CMTM8: variants seen among roughly 807,000 people sequenced by gnomAD.
The protein encoded by CMTM8 is CKLF like MARVEL transmembrane domain containing 8, also known as CKLF-like MARVEL transmembrane domain-containing protein 8.
Under a neutral mutation model 18.6 loss-of-function variants are expected in CMTM8, and 12 were observed. That is an observed-to-expected ratio of 0.65 (90% confidence interval 0.41 to 1.05). The LOEUF is 1.05. Ranked by LOEUF, CMTM8 falls within the 50% of genes least tolerant of loss-of-function variation. The pLI is 0.00. For synonymous variants in CMTM8, 87 were observed against 90.6 expected (o/e 0.96, Z 0.23); for missense variants, 217 against 227.2 (o/e 0.95, Z 0.29).
chr3:32,309,187 TG>T (rs1370905322), intron 1 of CMTM8, among the ~76,000 whole-genome samples: 8 of 151,720 alleles, frequency 5.3e-5, no homozygotes, highest in African/African-American at 1.9e-4. Context: ...TGGAGGGTGG[TG>T]GGGCAGAGCA....
intron 1 of CMTM8, among the ~76,000 whole-genome samples, chr3:32,333,379 C>T (rs1696318823): frequency 6.6e-6 from 1 of 152,198 alleles, no homozygotes; most frequent in South Asian, 2.1e-4. Context: ...TGTGGACCAA[C>T]AGCACGGGCA....
chr3:32,341,320 T>C (rs1229145207), intron 1 of CMTM8, among the ~76,000 whole-genome samples: 1 of 152,180 alleles, frequency 6.6e-6, no homozygotes, highest in Non-Finnish European at 1.5e-5. Flanking sequence ...GCTGGTGGCA[T>C]TCCAGGTAAT....
chr3:32,267,796 C>T (rs1702370849), intron 1 of CMTM8, among the ~76,000 whole-genome samples: 1 of 152,190 alleles, frequency 6.6e-6, no homozygotes, highest in South Asian at 2.1e-4. Context: ...AGGATATGAA[C>T]AGACACTTCT....
chr3:32,299,925 G>A (rs983179705), intron 1 of CMTM8, among the ~76,000 whole-genome samples: 3 of 152,164 alleles, frequency 2.0e-5, no homozygotes, highest in African/African-American at 7.2e-5. Context: ...AAGCAGCCAC[G>A]GGTAATACAT....
At chr3:32,309,082 G>A (rs558011569) in intron 1 of CMTM8, among the ~76,000 whole-genome samples, 1 of 152,268 alleles carries the variant, frequency 6.6e-6, no homozygotes, top group African/African-American at 2.4e-5. Context: ...GTCCTGGGGA[G>A]TGCTGAGTCT....
At chr3:32,340,930 T>C (rs1345779740) in intron 1 of CMTM8, among the ~76,000 whole-genome samples, 1 of 152,222 alleles carries the variant, frequency 6.6e-6, no homozygotes, top group Non-Finnish European at 1.5e-5. Flanking sequence ...CATAGCCTAT[T>C]TACTGACTCA....
chr3:32,357,333 A>G (rs534599652), intron 1 of CMTM8, 40 bp from the exon 2 acceptor site: 34 of 1,493,276 alleles, frequency 2.3e-5, no homozygotes, highest in Middle Eastern at 4.3e-4. Context: ...TTTATCTTCT[A>G]CTGTCCCCTC....
At chr3:32,298,641 T>C (rs1276055903) in intron 1 of CMTM8, among the ~76,000 whole-genome samples, 2 of 150,684 alleles carry the variant, frequency 1.3e-5, no homozygotes, top group Non-Finnish European at 3.0e-5. Context: ...TGCTGCTTTT[T>C]AAAAAAAATT....
At chr3:32,298,386 C>G (rs960368634) in intron 1 of CMTM8, among the ~76,000 whole-genome samples, 5 of 151,160 alleles carry the variant, frequency 3.3e-5, no homozygotes, top group Admixed American at 1.3e-4. Context: ...ATTAAAAACT[C>G]TATATAAATA....
At chr3:32,361,681 C>T (rs1471212434) in intron 2 of CMTM8, among the ~76,000 whole-genome samples, 1 of 152,118 alleles carries the variant, frequency 6.6e-6, no homozygotes, top group Non-Finnish European at 1.5e-5. Context: ...CTTATCTTAA[C>T]AATAGCTCAT....
At chr3:32,298,081 G>A (rs1165733429) in intron 1 of CMTM8, among the ~76,000 whole-genome samples, 1 of 150,718 alleles carries the variant, frequency 6.6e-6, no homozygotes, top group Non-Finnish European at 1.5e-5. Context: ...TTTTGGTTGG[G>A]GGTGGGGGGC....
chr3:32,238,857 C>T lies in CMTM8; in HGVS notation c.-116C>T, dbSNP rs1559358482. ...GGGCGCCCCCCTCGCACCTCCTGCC[C>T]CGCGCGGGCCGCGCTCCCCTCCCCC... On this transcript the variant is annotated 5_prime_UTR_variant, in exon 1 of 4. Transcript: ENST00000307526. The T allele has an allele frequency of 6.1e-6, 6 of 987,672 alleles. No individual in the cohort carries two copies. The highest frequency in any genetic ancestry group is 6.7e-6 in the Non-Finnish European group (5 of 750,782). The allele number at this position is 987,672 out of a possible 1,614,324, so 61.2% of individuals were successfully genotyped here.
At chr3:32,294,335 A>G (rs1004964750) in intron 1 of CMTM8, among the ~76,000 whole-genome samples, 4 of 152,154 alleles carry the variant, frequency 2.6e-5, no homozygotes, top group African/African-American at 9.7e-5. Context: ...AGACATTTTC[A>G]CATCCTGTGA....
intron 1 of CMTM8, among the ~76,000 whole-genome samples, chr3:32,327,728 G>A (rs1696190204): frequency 6.6e-6 from 1 of 152,166 alleles, no homozygotes; most frequent in South Asian, 2.1e-4. Context: ...CAAAAAGATT[G>A]AAGTGTAGAA....
At chr3:32,308,586 G>A (rs966208697) in intron 1 of CMTM8, among the ~76,000 whole-genome samples, 2 of 152,128 alleles carry the variant, frequency 1.3e-5, no homozygotes, top group Non-Finnish European at 2.9e-5. Flanking sequence ...TCACCTCTCT[G>A]TGTCTCAGTT....
chr3:32,352,859 T>G (rs1696738264), intron 1 of CMTM8, among the ~76,000 whole-genome samples: 1 of 109,076 alleles, frequency 9.2e-6, no homozygotes, highest in Admixed American at 1.1e-4. Flanking sequence ...GCAGTGAAAG[T>G]TAAAACATAG....
At chr3:32,282,834 A>G (rs1209562587) in intron 1 of CMTM8, among the ~76,000 whole-genome samples, 1 of 152,198 alleles carries the variant, frequency 6.6e-6, no homozygotes, top group Non-Finnish European at 1.5e-5. Flanking sequence ...TGACACAGCA[A>G]GCATGCTCCA....
intron 1 of CMTM8, among the ~76,000 whole-genome samples, chr3:32,281,758 C>A (rs982032143): frequency 6.6e-6 from 1 of 152,168 alleles, no homozygotes; most frequent in African/African-American, 2.4e-5. Context: ...TTTTGCCAAG[C>A]CAAATGGTCA....
intron 1 of CMTM8, chr3:32,259,381 C>T: frequency 3.5e-6 from 3 of 846,758 alleles, no homozygotes; most frequent in Non-Finnish European, 6.2e-6. Context: ...TGGACAATGC[C>T]CGCATTGTTC....
Sources: allele counts gnomAD v4.1 joint callset (sites outside exome capture counted in the v4.1 genomes callset), GRCh38; gene constraint gnomAD v4.1.1; transcripts MANE v1.5; gene names NCBI Gene and HGNC (gene_info 2026-07-23, HGNC 2026-07-21).